Variants in DOCK5 observed in about 807,000 individuals in gnomAD.
DOCK5 encodes the protein dedicator of cytokinesis 5.
DOCK5 carries 142 observed loss-of-function variants against 251.8 expected under a neutral mutation model. The ratio of observed to expected loss-of-function variants is 0.56; its 90% CI spans 0.49 to 0.65. The LOEUF is 0.65. Among genes scored for constraint, DOCK5 ranks in the 30% least tolerant of loss-of-function variants. DOCK5 has a pLI of 0.00. For missense variants in DOCK5, 2,111 were observed against 2,312.3 expected (o/e 0.91, Z 1.79); for synonymous variants, 842 against 835.5 (o/e 1.01, Z -0.13).
intron 5 of DOCK5, among the ~76,000 whole-genome samples, chr8:25,285,346 A>G (rs1408154535): frequency 2.0e-5 from 3 of 152,132 alleles, no homozygotes; most frequent in African/African-American, 7.2e-5. Flanking sequence ...GGGTTTCACC[A>G]TGTTGGCCAG....
rs558909553 is a variant in DOCK5 at position 25,384,679 on chromosome 8, C to T, written c.4131+1901C>T. On this transcript the variant is annotated intron_variant, in intron 40 of 51. Transcript: ENST00000276440. ...TTCACCATGTTGGCCAGGCTGATCT[C>T]GAACTCCTGACCTCAGTTGATCCCC... Among the ~76,000 whole-genome samples the T allele has an allele frequency of 1.0e-3, 154 of 151,892 alleles. 1 individual carries two copies. The highest frequency in any genetic ancestry group is 3.2e-3 in the African/African-American group (133 of 41,422).
Position 25,411,343 on chromosome 8 carries a change from G to T in DOCK5, c.*45G>T. ...ACACCGAGTGCCTTAGACAGCTGCTGCCTGAGAACTGGCCTCCAGCCGGTG... is the reference window on the plus strand; with the variant it reads ...ACACCGAGTGCCTTAGACAGCTGCTTCCTGAGAACTGGCCTCCAGCCGGTG... On this transcript the variant is annotated 3_prime_UTR_variant, in exon 52 of 52. Coordinates refer to ENST00000276440, the MANE Select transcript of DOCK5 (RefSeq NM_024940.8). The T allele has an allele frequency of 7.2e-7, 1 of 1,390,432 alleles. No individual in the cohort carries two copies. The highest frequency in any genetic ancestry group is 9.4e-7 in the Non-Finnish European group (1 of 1,068,702). The allele number at this position is 1,390,432 out of a possible 1,614,324, so 86.1% of individuals were successfully genotyped here. A position where few individuals can be genotyped will look rare whatever the true frequency, so the allele number is the denominator to read the frequency against.
intron 34 of DOCK5, among the ~76,000 whole-genome samples, chr8:25,371,455 A>AGAGT (rs1170506578): frequency 7.2e-5 from 11 of 152,220 alleles, no homozygotes; most frequent in Non-Finnish European, 1.3e-4. Flanking sequence ...CTACAGAGCA[A>AGAGT]GACTCCGTCT....
rs1277588088 is a variant in DOCK5, at chr8:25,303,502, CA to C, written c.977-752del. 2.0e-5 allele frequency among the ~76,000 whole-genome samples: 3 copies of C among 152,196 alleles called. No individual in the cohort carries two copies. The East Asian group carries it at 5.8e-4, about 29-fold the overall frequency. On this transcript the variant is annotated intron_variant, in intron 10 of 51. Transcript: ENST00000276440. ...CCCCAGAACCTGCTTAAACGCCCAG[CA>C]TCTTCCTCTGTAGTTTGTTCAATTG...
In DOCK5 at chr8:25,245,291, C is replaced by T. The variant is rs572462710; in HGVS notation, c.127+1534C>T. On this transcript the variant is annotated intron_variant, in intron 2 of 51. Coordinates refer to ENST00000276440, the MANE Select transcript of DOCK5 (RefSeq NM_024940.8). Reference sequence around the variant, plus strand: ...CAGGATGGTCTCGATCTCCTGACCTCGTGATCCGCCTGCCTTGGCTTCCCA... The same window carrying T: ...CAGGATGGTCTCGATCTCCTGACCTTGTGATCCGCCTGCCTTGGCTTCCCA... 2.0e-4 allele frequency among the ~76,000 whole-genome samples: 30 copies of T among 152,252 alleles called. No homozygotes were observed. In the South Asian group the frequency reaches 2.3e-3, roughly 12 times the overall value.
At chr8:25,275,968 C>T (rs539671896) in intron 4 of DOCK5, among the ~76,000 whole-genome samples, 10 of 152,344 alleles carry the variant, frequency 6.6e-5, no homozygotes, top group African/African-American at 2.4e-4. Context: ...TTCCTCCTTT[C>T]CATTACTTCT....
At chr8:25,295,965 G>A (rs556650305) in intron 6 of DOCK5, among the ~76,000 whole-genome samples, 4 of 152,086 alleles carry the variant, frequency 2.6e-5, no homozygotes, top group Non-Finnish European at 5.9e-5. Context: ...GACTACAGGC[G>A]TGTGCTACTA....
At chr8:25,198,804 CCTTA>C (rs1413078790) in intron 1 of DOCK5, among the ~76,000 whole-genome samples, 3 of 152,162 alleles carry the variant, frequency 2.0e-5, no homozygotes, top group Non-Finnish European at 4.4e-5. Flanking sequence ...CTATCTTTCT[CCTTA>C]CTTACAACTC....
chr8:25,229,137 C>T (rs187462126), intron 1 of DOCK5, among the ~76,000 whole-genome samples: 3 of 151,854 alleles, frequency 2.0e-5, no homozygotes, highest in Admixed American at 6.6e-5. Flanking sequence ...AACGAAAAGT[C>T]GCAGATGCAG....
At chr8:25,219,342 T>TA (rs1802325346) in intron 1 of DOCK5, among the ~76,000 whole-genome samples, 1 of 152,172 alleles carries the variant, frequency 6.6e-6, no homozygotes, top group African/African-American at 2.4e-5. Flanking sequence ...CATGTTTTTT[T>TA]ATTAAAGACC....
rs566431354 is a variant in DOCK5 at position 25,309,516 on chromosome 8, C to T, written c.1192+591C>T. 8.8e-4 allele frequency among the ~76,000 whole-genome samples: 134 copies of T among 152,164 alleles called. 4 individuals are homozygous for T. The South Asian group carries it at 0.026, about 30-fold the overall frequency. On this transcript the variant is annotated intron_variant, in intron 12 of 51. Transcript: ENST00000276440. ...TTTGCCTACCCTTCATTCCCAATGT[C>T]GACCCTAGATAATAATTATGCTCTA... is the stretch of plus-strand genomic sequence containing the variant.
rs960414765 is a variant in DOCK5, at chr8:25,415,508, G to C, written c.*4210G>C. On this transcript the variant is annotated 3_prime_UTR_variant, in exon 52 of 52. Coordinates refer to ENST00000276440, the MANE Select transcript of DOCK5 (RefSeq NM_024940.8). ...AGGATCTAGCCAAGGCTGGTCTGCAGTATCAGATGTCCAAACTCATCTACT... is the reference window on the plus strand; with the variant it reads ...AGGATCTAGCCAAGGCTGGTCTGCACTATCAGATGTCCAAACTCATCTACT... The C allele has an allele frequency of 1.3e-5, 2 of 152,184 alleles. No individual in the cohort carries two copies. Among genetic ancestry groups the C allele is most frequent in the African/African-American group, 4.8e-5 (2 of 41,462 alleles). 9.4% of individuals were successfully genotyped at this position (152,184 alleles called of 1,614,324 possible).
chr8:25,352,822 G>C (rs1357790286), intron 27 of DOCK5, among the ~76,000 whole-genome samples: 1 of 152,086 alleles, frequency 6.6e-6, no homozygotes, highest in Non-Finnish European at 1.5e-5. Context: ...GGCAACAGGG[G>C]CTAGAGAGAA....
Position 25,268,848 on chromosome 8 carries a change from G to T in DOCK5, c.131G>T (p.Trp44Leu). ...GTGTTCTCTTTTGCTCTGACAGGTT[G>T]GTACAGAGGATATACCCTCCAAAAT... ...TVHILEMYEGWYRGYTLQNKS... is the reference protein window; with the variant it reads ...TVHILEMYEGLYRGYTLQNKS... Residue 44 changes from tryptophan to leucine, a missense_variant, in exon 3 of 52, where the codon TGG (tryptophan) becomes TTG (leucine). By Grantham distance (61) the Trp-to-Leu change is moderately conservative. Transcript: ENST00000276440. 6.4e-7 allele frequency: 1 copy of T among 1,567,228 alleles called. No homozygotes were observed. Among genetic ancestry groups the T allele is most frequent in the Admixed American group, 2.0e-5 (1 of 49,550 alleles).
chr8:25,226,505 C>A (rs1324708685), intron 1 of DOCK5, among the ~76,000 whole-genome samples: 1 of 151,910 alleles, frequency 6.6e-6, no homozygotes, highest in South Asian at 2.1e-4. Flanking sequence ...CTCAGGTGAT[C>A]TGCCCGTCTA....
At chr8:25,286,311 G>T (rs970349850) in intron 5 of DOCK5, among the ~76,000 whole-genome samples, 1 of 152,196 alleles carries the variant, frequency 6.6e-6, no homozygotes, top group Non-Finnish European at 1.5e-5. Flanking sequence ...ATCAGAGTCA[G>T]ATGCAGTTAA....
intron 49 of DOCK5, 42 bp downstream of exon 49, chr8:25,408,196 C>A: frequency 1.3e-6 from 2 of 1,529,200 alleles, no homozygotes; most frequent in Non-Finnish European, 1.8e-6. Context: ...TGGAGGCTTG[C>A]CCCCCTCTCC....
At chr8:25,410,956 T>G (rs1392064313) in intron 51 of DOCK5, among the ~76,000 whole-genome samples, 2 of 29,394 alleles carry the variant, frequency 6.8e-5, no homozygotes, top group Admixed American at 5.3e-4. Flanking sequence ...TGTGTGTGTG[T>G]GTGTGTGTGT....
chr8:25,382,629 G>A, intron 39 of DOCK5, 45 bp from the exon 40 acceptor site: 1 of 1,460,626 alleles, frequency 6.8e-7, no homozygotes, highest in Non-Finnish European at 9.4e-7. Context: ...TCCCCCAACT[G>A]TGTACTTATA....
Sources: allele counts gnomAD v4.1 joint callset (sites outside exome capture counted in the v4.1 genomes callset), GRCh38; gene constraint gnomAD v4.1.1; transcripts MANE v1.5; gene names NCBI Gene and HGNC (gene_info 2026-07-23, HGNC 2026-07-21).